The following PDCD1LG2 variants were observed in gnomAD, a reference collection of about 807,000 sequenced individuals.
PDCD1LG2 encodes the protein B7 dendritic cell molecule.
Under a neutral mutation model 28.2 loss-of-function variants are expected in PDCD1LG2, and 32 were observed. The observed-to-expected ratio is 1.13, with a 90% CI of 0.86 to 1.52. PDCD1LG2 has a LOEUF of 1.52. PDCD1LG2 is among the 40% of genes most tolerant of loss of function. PDCD1LG2 has a pLI of 0.00. For synonymous variants in PDCD1LG2, 116 were observed against 120.2 expected (o/e 0.97, Z 0.23); for missense variants, 385 against 323.8 (o/e 1.19, Z -1.45).
In PDCD1LG2 at chr9:5,526,065, T is replaced by G. The variant is rs986168640; in HGVS notation, c.55+3464T>G. On this transcript the variant is annotated intron_variant, in intron 2 of 6. Transcript: ENST00000397747. Reference sequence around the variant, plus strand: ...CCGTCTCAAAAAAAAAAAAAAAAAGTAAGGAAGAGACTGATAAGCCCGATA... The same window carrying G: ...CCGTCTCAAAAAAAAAAAAAAAAAGGAAGGAAGAGACTGATAAGCCCGATA... Among the ~76,000 whole-genome samples, 22 of 122,624 alleles carry G rather than the reference T, an allele frequency of 1.8e-4. No homozygotes were observed. In the South Asian group the frequency reaches 4.7e-3, roughly 26 times the overall value. The allele number at this position is 122,624 out of a possible 152,430, so 80.4% of individuals were successfully genotyped here. A position where few individuals can be genotyped will look rare whatever the true frequency, so the allele number is the denominator to read the frequency against.
At chr9:5,527,888 C>T (rs576509438) in intron 2 of PDCD1LG2, among the ~76,000 whole-genome samples, 17 of 152,032 alleles carry the variant, frequency 1.1e-4, no homozygotes, top group African/African-American at 3.9e-4. Flanking sequence ...AAGTGCAATG[C>T]CGTGATCTTG....
chr9:5,538,798 T>C (rs1157787001), intron 3 of PDCD1LG2, among the ~76,000 whole-genome samples: 1 of 152,202 alleles, frequency 6.6e-6, no homozygotes, highest in Admixed American at 6.5e-5. Context: ...TATGTGCACC[T>C]TCTTTTGAGA....
chr9:5,551,437 A>C (rs1816331095), intron 4 of PDCD1LG2, among the ~76,000 whole-genome samples: 2 of 152,198 alleles, frequency 1.3e-5, no homozygotes, highest in African/African-American at 4.8e-5. Flanking sequence ...ATAAGAGTAT[A>C]TTATCAAAGT....
chr9:5,525,733 T>C (rs115324779), intron 2 of PDCD1LG2, among the ~76,000 whole-genome samples: 1,904 of 152,104 alleles, frequency 0.013, 40 homozygotes, highest in African/African-American at 0.044. Flanking sequence ...GCATACCTTA[T>C]ATATAGAAGA....
At chr9:5,565,153 C>T (rs1021279285) in intron 6 of PDCD1LG2, among the ~76,000 whole-genome samples, 2 of 152,058 alleles carry the variant, frequency 1.3e-5, no homozygotes, top group Admixed American at 1.3e-4. Flanking sequence ...GAATCCACAC[C>T]CATACACTAC....
At chr9:5,531,985 G>A (rs1222414963) in intron 2 of PDCD1LG2, among the ~76,000 whole-genome samples, 2 of 152,120 alleles carry the variant, frequency 1.3e-5, no homozygotes, top group African/African-American at 4.8e-5. Flanking sequence ...AAGTTATAAG[G>A]GACTTAATAA....
intron 1 of PDCD1LG2, among the ~76,000 whole-genome samples, chr9:5,521,485 G>A (rs186850505): frequency 2.6e-5 from 4 of 151,868 alleles, no homozygotes; most frequent in Non-Finnish European, 5.9e-5. Flanking sequence ...ATATAAACTC[G>A]CCAACAGACC....
At chr9:5,521,855 A>G (rs1820280809) in intron 1 of PDCD1LG2, among the ~76,000 whole-genome samples, 1 of 152,156 alleles carries the variant, frequency 6.6e-6, no homozygotes, top group African/African-American at 2.4e-5. Context: ...TTCCTCAACC[A>G]TAAGAAGTCC....
At chr9:5,544,185 A>C (rs1212701813) in intron 3 of PDCD1LG2, among the ~76,000 whole-genome samples, 1 of 152,258 alleles carries the variant, frequency 6.6e-6, no homozygotes, top group Non-Finnish European at 1.5e-5. Flanking sequence ...GTGGAAATCT[A>C]AAGCTGAAAC....
chr9:5,530,117 TTG>T (rs1242355655), intron 2 of PDCD1LG2, among the ~76,000 whole-genome samples: 1 of 152,138 alleles, frequency 6.6e-6, no homozygotes, highest in East Asian at 1.9e-4. Context: ...AAATAATTCG[TTG>T]TGTGTTTCCT....
chr9:5,540,632 C>G (rs1036623836), intron 3 of PDCD1LG2, among the ~76,000 whole-genome samples: 2 of 148,976 alleles, frequency 1.3e-5, no homozygotes, highest in Non-Finnish European at 3.0e-5. Flanking sequence ...GGATACATTC[C>G]TGGAAATATA....
intron 2 of PDCD1LG2, among the ~76,000 whole-genome samples, chr9:5,524,950 C>T (rs1820342727): frequency 6.6e-6 from 1 of 152,176 alleles, no homozygotes; most frequent in Non-Finnish European, 1.5e-5. Context: ...TGTACAGCCC[C>T]AGACCTGCAT....
intron 1 of PDCD1LG2, among the ~76,000 whole-genome samples, chr9:5,519,595 T>C (rs962629443): frequency 1.3e-5 from 2 of 152,192 alleles, no homozygotes; most frequent in African/African-American, 4.8e-5. Flanking sequence ...CTCTTTCCTA[T>C]CTCTCTGTAG....
chr9:5,552,241 A>T (rs1816349287), intron 4 of PDCD1LG2, among the ~76,000 whole-genome samples: 1 of 152,166 alleles, frequency 6.6e-6, no homozygotes, highest in Non-Finnish European at 1.5e-5. Context: ...GATTTTCATG[A>T]TAATCAAGAT....
In PDCD1LG2 at chr9:5,569,830, C is replaced by A. The variant is rs1001924888; in HGVS notation, c.817-124C>A. 2.1e-6 allele frequency: 2 copies of A among 953,776 alleles called. No individual in the cohort carries two copies. The highest frequency in any genetic ancestry group is 3.3e-6 in the Non-Finnish European group (2 of 604,810). The allele number at this position is 953,776 out of a possible 1,614,324, so 59.1% of individuals were successfully genotyped here. ...GAAGTTTTAAATGAAAAGTTTTAAACCATGCGGCTTCCAGCTAGATGAACT... is the reference window on the plus strand; with the variant it reads ...GAAGTTTTAAATGAAAAGTTTTAAAACATGCGGCTTCCAGCTAGATGAACT... On this transcript the variant is annotated intron_variant, in intron 6 of 6. Coordinates refer to ENST00000397747, the MANE Select transcript of PDCD1LG2 (RefSeq NM_025239.4). The surrounding 1 kb of genome is among the most constrained non-coding windows in gnomAD (Gnocchi z 4.1).
At chr9:5,527,910 C>T (rs765467419) in intron 2 of PDCD1LG2, among the ~76,000 whole-genome samples, 8 of 152,114 alleles carry the variant, frequency 5.3e-5, no homozygotes, top group Non-Finnish European at 8.8e-5. Flanking sequence ...CTTACTGCAA[C>T]CTCCGCCTCC....
At chr9:5,530,566 T>C (rs1364585089) in intron 2 of PDCD1LG2, among the ~76,000 whole-genome samples, 1 of 151,956 alleles carries the variant, frequency 6.6e-6, no homozygotes, top group East Asian at 1.9e-4. Context: ...CAGAAATAAA[T>C]GTGCATTGAA....
intron 1 of PDCD1LG2, among the ~76,000 whole-genome samples, chr9:5,517,664 T>A (rs1820193645): frequency 6.6e-6 from 1 of 152,174 alleles, no homozygotes; most frequent in African/African-American, 2.4e-5. Context: ...AATCATAGCA[T>A]CCAGTTGTCA....
intron 2 of PDCD1LG2, among the ~76,000 whole-genome samples, chr9:5,531,974 T>A (rs554356620): frequency 1.3e-5 from 2 of 152,362 alleles, no homozygotes; most frequent in Admixed American, 1.3e-4. Context: ...GGCTCTGCAT[T>A]AAGTTATAAG....
Sources: gnomAD v4.1 joint callset for allele counts (sites outside exome capture counted in the v4.1 genomes callset) on GRCh38, gnomAD v4.1.1 for gene constraint, Gnocchi (gnomAD v3.1) non-coding constraint, MANE v1.5 for transcripts, NCBI Gene and HGNC (gene_info 2026-07-23, HGNC 2026-07-21) for gene names.